FAM3D: variants seen among roughly 807,000 people sequenced by gnomAD.
The protein encoded by FAM3D is protein FAM3D.
A neutral mutation model predicts 29.8 loss-of-function variants in FAM3D; 26 were observed. The observed-to-expected ratio is 0.87, with a 90% confidence interval of 0.64 to 1.21. FAM3D has a LOEUF of 1.21. Ranked by LOEUF, FAM3D falls within the 50% of genes most tolerant of loss-of-function variation. The probability of loss-of-function intolerance (pLI) is 0.00; values close to 1 mark genes in which losing one functional copy is unlikely to be tolerated. For missense variants in FAM3D, 253 were observed against 290.9 expected, an observed-to-expected ratio of 0.87 and a Z score of 0.95; for synonymous variants, 115 against 102.3, an observed-to-expected ratio of 1.12 and a Z score of -0.75.
intron 1 of FAM3D, among the ~76,000 whole-genome samples, chr3:58,656,269 C>G (rs1239473543): frequency 2.0e-5 from 3 of 152,134 alleles, no homozygotes; most frequent in African/African-American, 7.2e-5. Flanking sequence ...TCCTCACAAC[C>G]CCCATGTTAG....
chr3:58,643,517 C>G lies in FAM3D; in HGVS notation c.322+145G>C, dbSNP rs200796359. 29 of 875,848 alleles carry G rather than the reference C, an allele frequency of 3.3e-5. No individual in the cohort carries two copies. In the East Asian group the frequency reaches 7.2e-4, roughly 22 times the overall value. 54.3% of individuals were successfully genotyped at this position (875,848 alleles called of 1,614,324 possible). A position where few individuals can be genotyped will look rare whatever the true frequency, so the allele number is the denominator to read the frequency against. On this transcript the variant is annotated intron_variant, in intron 6 of 9. Transcript: ENST00000358781. ...CTTTGAGACCTTCTGTTCCCCCAGG[C>G]CAGCCACGCTTCCCCTCCTGAGCTC...
intron 6 of FAM3D, among the ~76,000 whole-genome samples, chr3:58,642,045 G>C (rs2106764020): frequency 6.6e-6 from 1 of 152,270 alleles, no homozygotes; most frequent in South Asian, 2.1e-4. Flanking sequence ...TCTGGGGTCT[G>C]GCATGCACAA....
chr3:58,656,862 T>C (rs1213950608), intron 1 of FAM3D, among the ~76,000 whole-genome samples: 1 of 152,184 alleles, frequency 6.6e-6, no homozygotes, highest in South Asian at 2.1e-4. Context: ...GCCCTCCATA[T>C]GTACATTGAG....
chr3:58,646,579 A>C (rs2066488382), intron 4 of FAM3D, among the ~76,000 whole-genome samples: 1 of 152,248 alleles, frequency 6.6e-6, no homozygotes, highest in Admixed American at 6.5e-5. Flanking sequence ...GGAAGGCAGC[A>C]TTAAGGAGGA....
At chr3:58,649,262 C>T (rs2066560196) in intron 4 of FAM3D, 53 bp downstream of exon 4, 2 of 1,597,362 alleles carry the variant, frequency 1.3e-6, no homozygotes, top group Middle Eastern at 1.7e-4. Context: ...CAAATGGGAG[C>T]AGGGGGTGAG....
intron 1 of FAM3D, among the ~76,000 whole-genome samples, chr3:58,658,400 A>G (rs1430321237): frequency 6.6e-6 from 1 of 152,182 alleles, no homozygotes; most frequent in African/African-American, 2.4e-5. Context: ...GCTCATTTCC[A>G]AAGCATTCCC....
intron 2 of FAM3D, among the ~76,000 whole-genome samples, chr3:58,654,537 C>T (rs2066734520): frequency 6.6e-6 from 1 of 152,186 alleles, no homozygotes; most frequent in African/African-American, 2.4e-5. Flanking sequence ...CACATGGGGA[C>T]GAGCCACCTG....
At chr3:58,654,571 C>T (rs943189077) in intron 2 of FAM3D, among the ~76,000 whole-genome samples, 4 of 152,296 alleles carry the variant, frequency 2.6e-5, no homozygotes, top group East Asian at 1.9e-4. Context: ...TTACAGGGAC[C>T]GGAAAGCAGG....
chr3:58,656,323 C>A (rs1296847920), intron 1 of FAM3D, among the ~76,000 whole-genome samples: 2 of 152,198 alleles, frequency 1.3e-5, no homozygotes, highest in Non-Finnish European at 2.9e-5. Flanking sequence ...CAGGGTTATT[C>A]AGCTTGCAAG....
intron 1 of FAM3D, among the ~76,000 whole-genome samples, chr3:58,661,602 G>T (rs189354295): frequency 2.6e-5 from 4 of 152,322 alleles, no homozygotes; most frequent in African/African-American, 9.6e-5. Context: ...TGGGAATTGG[G>T]AGTCTGTATA....
At chr3:58,660,948 A>G (rs557023971) in intron 1 of FAM3D, among the ~76,000 whole-genome samples, 1 of 152,358 alleles carries the variant, frequency 6.6e-6, no homozygotes, top group Non-Finnish European at 1.5e-5. Flanking sequence ...GATATGTGTC[A>G]GGAGACCACA....
chr3:58,657,878 G>C lies in FAM3D; in HGVS notation c.-38-2277C>G, dbSNP rs2106936387. ...AGAGTGTGTTTTCTCCTTCCTGTTG[G>C]AGATTGTCCCAACCTGTTATTCAGG... On this transcript the variant is annotated intron_variant, in intron 1 of 9. Transcript: ENST00000358781. 1.3e-5 allele frequency: 2 copies of C among 152,372 alleles called. 1 individual carries two copies. Among genetic ancestry groups the C allele is most frequent in the South Asian group, 4.1e-4 (2 of 4,826 alleles). 9.4% of individuals were successfully genotyped at this position (152,372 alleles called of 1,614,324 possible).
rs751016143 is a variant in FAM3D at position 58,640,198 on chromosome 3, G to A, written c.323-21C>T. 7.4e-6 allele frequency: 12 copies of A among 1,613,394 alleles called. No homozygotes were observed. The African/African-American group carries it at 1.2e-4, about 16-fold the overall frequency. ...GGTTCCTAGGGGTTAAGAGGAGAACGATTATCCCCTGTAACACGTGTCATT... is the reference window on the plus strand; with the variant it reads ...GGTTCCTAGGGGTTAAGAGGAGAACAATTATCCCCTGTAACACGTGTCATT... On this transcript the variant is annotated intron_variant, in intron 6 of 9. Coordinates refer to ENST00000358781, the MANE Select transcript of FAM3D (RefSeq NM_138805.3).
chr3:58,636,941 G>T (rs2066187561), intron 8 of FAM3D, among the ~76,000 whole-genome samples, 200 bp downstream of exon 8: 1 of 152,198 alleles, frequency 6.6e-6, no homozygotes, highest in Admixed American at 6.5e-5. Flanking sequence ...TGGACAGGGA[G>T]AGGGTTTCCA....
intron 6 of FAM3D, among the ~76,000 whole-genome samples, chr3:58,640,932 A>G (rs2066310568): frequency 6.6e-6 from 1 of 152,190 alleles, no homozygotes; most frequent in Non-Finnish European, 1.5e-5. Context: ...GGAGCCACGT[A>G]GCGTGAACGG....
At chr3:58,640,635 C>T (rs774249106) in intron 6 of FAM3D, among the ~76,000 whole-genome samples, 3 of 152,252 alleles carry the variant, frequency 2.0e-5, no homozygotes, top group Non-Finnish European at 2.9e-5. Flanking sequence ...GAGTCCTCCA[C>T]CTCTTGAAGG....
intron 1 of FAM3D, among the ~76,000 whole-genome samples, chr3:58,659,881 C>T (rs1171214653): frequency 6.6e-6 from 1 of 152,214 alleles, no homozygotes; most frequent in East Asian, 1.9e-4. Flanking sequence ...TAACTAGTCT[C>T]TTCTGGAAAT....
intron 1 of FAM3D, among the ~76,000 whole-genome samples, chr3:58,657,928 C>G (rs2066855618): frequency 6.6e-6 from 1 of 152,132 alleles, no homozygotes; most frequent in Non-Finnish European, 1.5e-5. Flanking sequence ...GGCAAAGGAA[C>G]GAGGAGAAAA....
chr3:58,658,864 C>T (rs1360882791), intron 1 of FAM3D, among the ~76,000 whole-genome samples: 1 of 152,248 alleles, frequency 6.6e-6, no homozygotes, highest in Non-Finnish European at 1.5e-5. Context: ...GTCCCATCCT[C>T]AACCACTACG....
Sources: allele counts gnomAD v4.1 joint callset (sites outside exome capture counted in the v4.1 genomes callset), GRCh38; gene constraint gnomAD v4.1.1; transcripts MANE v1.5; gene names NCBI Gene and HGNC (gene_info 2026-07-23, HGNC 2026-07-21).